The following PPIP5K2 variants were observed in gnomAD, a reference collection of about 807,000 sequenced individuals.
PPIP5K2 encodes diphosphoinositol pentakisphosphate kinase 2, also known as inositol hexakisphosphate and diphosphoinositol-pentakisphosphate kinase 2.
A neutral mutation model predicts 154.6 loss-of-function variants in PPIP5K2; 105 were observed. The ratio of observed to expected loss-of-function variants is 0.68; its 90% confidence interval spans 0.58 to 0.80. The LOEUF (loss-of-function observed/expected upper bound fraction) is 0.80. Among genes scored for constraint, PPIP5K2 ranks in the 30% least tolerant of loss-of-function variants. The pLI, the probability that PPIP5K2 is intolerant of heterozygous loss-of-function variation, is 0.00. For synonymous variants in PPIP5K2, 480 were observed against 490.3 expected, an observed-to-expected ratio of 0.98 and a Z score of 0.28; for missense variants, 992 against 1,504.6, an observed-to-expected ratio of 0.66 and a Z score of 5.64.
intron 21 of PPIP5K2, chr5:103,176,820 C>T: frequency 8.5e-7 from 1 of 1,173,608 alleles, no homozygotes; most frequent in Middle Eastern, 2.0e-4. Flanking sequence ...TACATGTTCT[C>T]TAAGATCCTT....
chr5:103,129,554 A>G lies in PPIP5K2; in HGVS notation c.-36A>G, dbSNP rs782310235. ...TTACTTAGAGGCAGTTTTAATATAA[A>G]TCATTTCAATTATATCTACATCAAA... On this transcript the variant is annotated 5_prime_UTR_variant, in exon 2 of 31. Coordinates refer to ENST00000358359, the MANE Select transcript of PPIP5K2 (RefSeq NM_001276277.3). 6.7e-7 allele frequency: 1 copy of G among 1,501,740 alleles called. No individual in the cohort carries two copies. Among genetic ancestry groups the G allele is most frequent in the Non-Finnish European group, 8.9e-7 (1 of 1,124,940 alleles). 93.0% of individuals were successfully genotyped at this position (1,501,740 alleles called of 1,614,324 possible). A position where few individuals can be genotyped will look rare whatever the true frequency, so the allele number is the denominator to read the frequency against.
At chr5:103,152,570 TTCTC>T (rs1423838521) in intron 9 of PPIP5K2, 74 bp from the exon 10 acceptor site, 2 of 808,474 alleles carry the variant, frequency 2.5e-6, no homozygotes, top group Non-Finnish European at 4.1e-6. Context: ...ACTCTTATGA[TTCTC>T]TCTCATCCTC....
chr5:103,137,163 A>ATTTTTT (rs71620680), intron 4 of PPIP5K2, among the ~76,000 whole-genome samples: 1 of 139,888 alleles, frequency 7.1e-6, no homozygotes. Context: ...TTATAACTAG[A>ATTTTTT]TTTTTTTTTT....
At chr5:103,189,499 C>T (rs1800895481) in intron 28 of PPIP5K2, among the ~76,000 whole-genome samples, 1 of 152,088 alleles carries the variant, frequency 6.6e-6, no homozygotes, top group Non-Finnish European at 1.5e-5. Context: ...GGTTTGCGCT[C>T]ATTTGCATGA....
intron 24 of PPIP5K2, among the ~76,000 whole-genome samples, chr5:103,182,279 A>G (rs1554223159): frequency 6.6e-6 from 1 of 152,170 alleles, no homozygotes; most frequent in African/African-American, 2.4e-5. Context: ...TTTGCAACTC[A>G]TCTATATTTA....
chr5:103,152,817 T>A, intron 10 of PPIP5K2, 68 bp downstream of exon 10: 1 of 1,078,490 alleles, frequency 9.3e-7, no homozygotes, highest in Non-Finnish European at 1.4e-6. Flanking sequence ...GGATAAAAAT[T>A]AAATTTCTGA....
At chr5:103,169,946 C>T (rs1797718727) in intron 19 of PPIP5K2, among the ~76,000 whole-genome samples, 1 of 151,624 alleles carries the variant, frequency 6.6e-6, no homozygotes, top group Admixed American at 6.6e-5. Context: ...ATCACCTACT[C>T]AGAGGCTAAA....
intron 21 of PPIP5K2, among the ~76,000 whole-genome samples, chr5:103,176,337 T>G (rs1554220947): frequency 6.6e-6 from 1 of 151,934 alleles, no homozygotes; most frequent in African/African-American, 2.4e-5. Flanking sequence ...TAATGAAAAT[T>G]TTCAGTATTT....
intron 8 of PPIP5K2, among the ~76,000 whole-genome samples, chr5:103,149,717 G>A (rs78956878): frequency 2.6e-5 from 3 of 116,566 alleles, no homozygotes; most frequent in African/African-American, 9.7e-5. Flanking sequence ...TTTTTTTTTT[G>A]AGACGGAGTC....
intron 5 of PPIP5K2, among the ~76,000 whole-genome samples, chr5:103,141,458 C>T (rs1792637991): frequency 6.6e-6 from 1 of 152,106 alleles, no homozygotes; most frequent in African/African-American, 2.4e-5. Flanking sequence ...TGCAGATCTT[C>T]GCGGTGAGTG....
At chr5:103,198,496 A>G (rs1238596603) in intron 30 of PPIP5K2, among the ~76,000 whole-genome samples, 5 of 152,172 alleles carry the variant, frequency 3.3e-5, no homozygotes, top group Admixed American at 3.3e-4. Context: ...TCAGTTGTAC[A>G]GAGAGCGATT....
Position 103,150,259 on chromosome 5 carries a change from T to C in PPIP5K2, c.906+946T>C, listed in dbSNP as rs1020289965. 3.4e-4 allele frequency among the ~76,000 whole-genome samples: 52 copies of C among 152,208 alleles called. 1 individual carries two copies. The highest frequency in any genetic ancestry group is 2.8e-3 in the Admixed American group (43 of 15,284). ...GAAGGAATGTTAGCCTGTAAATAAG[T>C]TTTAATAGCTTTATAGAAATCCTTT... On this transcript the variant is annotated intron_variant, in intron 8 of 30. Coordinates refer to ENST00000358359, the MANE Select transcript of PPIP5K2 (RefSeq NM_001276277.3).
chr5:103,177,830 T>C (rs185939418), intron 22 of PPIP5K2, 34 bp from the exon 23 acceptor site: 1 of 1,598,960 alleles, frequency 6.3e-7, no homozygotes, highest in East Asian at 2.2e-5. Flanking sequence ...GCTTAAAGTT[T>C]CTCATTTTGA....
intron 1 of PPIP5K2, among the ~76,000 whole-genome samples, chr5:103,128,663 T>C (rs28022): frequency 0.23 from 35,695 of 152,132 alleles, 5,037 homozygotes; most frequent in East Asian, 0.45. Context: ...CAGAATTTAG[T>C]GCACATGTAC....
At chr5:103,128,002 G>A (rs1270163022) in intron 1 of PPIP5K2, among the ~76,000 whole-genome samples, 1 of 151,622 alleles carries the variant, frequency 6.6e-6, no homozygotes, top group Admixed American at 6.6e-5. Flanking sequence ...TAGAACAAAA[G>A]GCATTGATTT....
intron 1 of PPIP5K2, among the ~76,000 whole-genome samples, chr5:103,123,707 A>C (rs1789161599): frequency 6.6e-6 from 1 of 152,230 alleles, no homozygotes. Context: ...TGTTTTTACA[A>C]GTCTACCAGA....
intron 1 of PPIP5K2, among the ~76,000 whole-genome samples, chr5:103,124,278 C>CAAAAAA (rs71226931): frequency 7.9e-6 from 1 of 126,872 alleles, no homozygotes. Context: ...GACTCCATCT[C>CAAAAAA]AAAAAAAAAA....
In PPIP5K2 at chr5:103,210,268, T is replaced by G. The variant is rs1207285812; in HGVS notation, c.*8634T>G. ...AGTAAGAAGTGATAAATGTCTAGTTTGGAATCATGTGGCTGAAAATCTTAC... is the reference window on the plus strand; with the variant it reads ...AGTAAGAAGTGATAAATGTCTAGTTGGGAATCATGTGGCTGAAAATCTTAC... On this transcript the variant is annotated 3_prime_UTR_variant, in exon 31 of 31. Coordinates refer to ENST00000358359, the MANE Select transcript of PPIP5K2 (RefSeq NM_001276277.3). The G allele has an allele frequency of 1.3e-5, 2 of 152,190 alleles. No homozygotes were observed. Among genetic ancestry groups the G allele is most frequent in the Non-Finnish European group, 2.9e-5 (2 of 68,034 alleles). The allele number at this position is 152,190 out of a possible 1,614,324, so 9.4% of individuals were successfully genotyped here.
intron 3 of PPIP5K2, 149 bp from the exon 4 acceptor site, chr5:103,136,583 G>T (rs1791538931): frequency 5.1e-6 from 3 of 592,926 alleles, no homozygotes; most frequent in Non-Finnish European, 6.0e-6. Flanking sequence ...TTAAATCAAG[G>T]TTTATGTATA....
Sources: allele counts gnomAD v4.1 joint callset (sites outside exome capture counted in the v4.1 genomes callset), GRCh38; gene constraint gnomAD v4.1.1; transcripts MANE v1.5; gene names NCBI Gene and HGNC (gene_info 2026-07-23, HGNC 2026-07-21).